UTRN: variants seen among roughly 807,000 people sequenced by gnomAD.
The protein encoded by UTRN is dystrophin-related protein 1.
Under a neutral mutation model 463.9 loss-of-function variants are expected in UTRN, and 283 were observed. That is an observed-to-expected ratio of 0.61 (90% confidence interval 0.55 to 0.67). The LOEUF is 0.67. Ranked by LOEUF, UTRN falls within the 30% of genes least tolerant of loss-of-function variation. UTRN has a pLI of 0.00. For synonymous variants in UTRN, 1,442 were observed against 1,431.5 expected, an observed-to-expected ratio of 1.01 and a Z score of -0.17; for missense variants, 3,922 against 4,084.3, an observed-to-expected ratio of 0.96 and a Z score of 1.08.
rs1308536217 is a variant in UTRN, at chr6:144,700,636, C to T, written c.7809+393C>T. Among the ~76,000 whole-genome samples, 6 of 151,992 alleles carry T rather than the reference C, an allele frequency of 3.9e-5. No individual in the cohort carries two copies. In the South Asian group the frequency reaches 6.2e-4, roughly 16 times the overall value. ...AGGCTGGAGTACAATGGCATGATCT[C>T]GGCTCACTGCAGCCTCTGCTTCCTG... On this transcript the variant is annotated intron_variant, in intron 53 of 74. Coordinates refer to ENST00000367545, the MANE Select transcript of UTRN (RefSeq NM_007124.3).
intron 9 of UTRN, among the ~76,000 whole-genome samples, chr6:144,433,884 T>C (rs1786229848): frequency 7.2e-6 from 1 of 139,286 alleles, no homozygotes; most frequent in Non-Finnish European, 1.5e-5. Context: ...GAGGGGCTCC[T>C]CACATCCCAG....
chr6:144,341,659 G>C (rs1005792682), intron 2 of UTRN, among the ~76,000 whole-genome samples: 9 of 152,100 alleles, frequency 5.9e-5, no homozygotes, highest in African/African-American at 2.2e-4. Flanking sequence ...CTGACAAAAG[G>C]CTGCTTTTAT....
chr6:144,811,955 T>C (rs1280500792), intron 65 of UTRN, among the ~76,000 whole-genome samples: 2 of 152,206 alleles, frequency 1.3e-5, no homozygotes, highest in African/African-American at 4.8e-5. Flanking sequence ...AGTGACTTTT[T>C]TTATATAACC....
intron 27 of UTRN, among the ~76,000 whole-genome samples, chr6:144,483,694 C>T (rs920826097): frequency 6.6e-6 from 1 of 152,236 alleles, no homozygotes; most frequent in Non-Finnish European, 1.5e-5. Flanking sequence ...AGCCATCCTC[C>T]TGCCTTGGCC....
At chr6:144,336,178 C>T (rs553107247) in intron 2 of UTRN, among the ~76,000 whole-genome samples, 38 of 152,228 alleles carry the variant, frequency 2.5e-4, no homozygotes, top group South Asian at 1.7e-3. Flanking sequence ...TGCTGGGCTG[C>T]GGCAGGTGGT....
At chr6:144,523,740 G>C (rs1179131661) in intron 41 of UTRN, among the ~76,000 whole-genome samples, 1 of 152,120 alleles carries the variant, frequency 6.6e-6, no homozygotes, top group East Asian at 1.9e-4. Flanking sequence ...TGTCTAAATA[G>C]TGTCCATTCT....
intron 52 of UTRN, among the ~76,000 whole-genome samples, chr6:144,688,654 T>G (rs1783002023): frequency 6.6e-6 from 1 of 152,110 alleles, no homozygotes; most frequent in South Asian, 2.1e-4. Context: ...TATGAGTTCC[T>G]TGGTTATAGA....
At chr6:144,353,978 G>GT (rs1304243186) in intron 2 of UTRN, among the ~76,000 whole-genome samples, 1 of 152,204 alleles carries the variant, frequency 6.6e-6, no homozygotes, top group East Asian at 1.9e-4. Context: ...GTGCTGGGAT[G>GT]TTTTAAAGTT....
intron 51 of UTRN, among the ~76,000 whole-genome samples, chr6:144,641,292 G>A (rs373854798): frequency 3.3e-5 from 5 of 152,116 alleles, no homozygotes; most frequent in African/African-American, 1.2e-4. Flanking sequence ...GTGCTTCCAG[G>A]TCATAGGTAG....
chr6:144,603,332 C>T (rs1918747), intron 51 of UTRN, among the ~76,000 whole-genome samples: 23,280 of 152,084 alleles, frequency 0.15, 2,027 homozygotes, highest in South Asian at 0.27. Context: ...AAAGGTTATA[C>T]ATTGCGAGGT....
At chr6:144,795,686 T>G (rs542380285) in intron 63 of UTRN, among the ~76,000 whole-genome samples, 33 of 152,354 alleles carry the variant, frequency 2.2e-4, no homozygotes, top group Non-Finnish European at 3.7e-4. Flanking sequence ...GAAGTGTCTG[T>G]TCATATCCTT....
chr6:144,537,210 T>C (rs1002872606), intron 43 of UTRN, among the ~76,000 whole-genome samples: 1 of 152,088 alleles, frequency 6.6e-6, no homozygotes, highest in Non-Finnish European at 1.5e-5. Context: ...GAATTATGCT[T>C]TTTCCCTATT....
At chr6:144,635,505 T>C (rs1383051179) in intron 51 of UTRN, among the ~76,000 whole-genome samples, 1 of 60,716 alleles carries the variant, frequency 1.6e-5, no homozygotes. Context: ...GCAGCTAGCC[T>C]TTTTTTTTCT....
intron 52 of UTRN, among the ~76,000 whole-genome samples, chr6:144,692,921 T>C (rs1586047879): frequency 6.6e-6 from 1 of 152,164 alleles, no homozygotes; most frequent in Admixed American, 6.5e-5. Flanking sequence ...TTTGCCTTTG[T>C]TGCAGTTGCT....
At chr6:144,525,316 G>A (rs969886458) in intron 41 of UTRN, among the ~76,000 whole-genome samples, 2 of 152,078 alleles carry the variant, frequency 1.3e-5, no homozygotes, top group African/African-American at 4.8e-5. Context: ...ATCGGGTCCT[G>A]GGCTTTTTTT....
At chr6:144,336,562 A>G (rs1776735476) in intron 2 of UTRN, among the ~76,000 whole-genome samples, 1 of 152,134 alleles carries the variant, frequency 6.6e-6, no homozygotes, top group Non-Finnish European at 1.5e-5. Flanking sequence ...TGAAAGTTCT[A>G]GAGCTCACTA....
intron 2 of UTRN, among the ~76,000 whole-genome samples, chr6:144,322,502 C>T (rs185477854): frequency 6.6e-6 from 1 of 152,136 alleles, no homozygotes; most frequent in African/African-American, 2.4e-5. Flanking sequence ...AGCAAACTAC[C>T]CTTGTGACTC....
intron 26 of UTRN, among the ~76,000 whole-genome samples, chr6:144,480,357 A>G (rs1166824569): frequency 6.6e-6 from 1 of 152,228 alleles, no homozygotes; most frequent in African/African-American, 2.4e-5. Context: ...TTAAGTGCAC[A>G]ATCCAGTGGC....
At chr6:144,350,840 T>C (rs1392427157) in intron 2 of UTRN, among the ~76,000 whole-genome samples, 1 of 152,242 alleles carries the variant, frequency 6.6e-6, no homozygotes, top group Non-Finnish European at 1.5e-5. Flanking sequence ...CCTTAAAAGA[T>C]AGATATTATT....
Sources: gnomAD v4.1 joint callset for allele counts (sites outside exome capture counted in the v4.1 genomes callset) on GRCh38, gnomAD v4.1.1 for gene constraint, MANE v1.5 for transcripts, NCBI Gene and HGNC (gene_info 2026-07-23, HGNC 2026-07-21) for gene names.